Variants in JAKMIP2 observed in about 807,000 individuals in gnomAD.
JAKMIP2 encodes the protein janus kinase and microtubule interacting protein 2.
Under a neutral mutation model 115.0 loss-of-function variants are expected in JAKMIP2, and 25 were observed. The observed-to-expected ratio is 0.22, with a 90% CI of 0.16 to 0.30. JAKMIP2 has a LOEUF of 0.30. Among genes scored for constraint, JAKMIP2 ranks in the 10% least tolerant of loss-of-function variants. JAKMIP2 has a pLI of 1.00. For missense variants in JAKMIP2, 642 were observed against 957.6 expected, an observed-to-expected ratio of 0.67 and a Z score of 4.35; for synonymous variants, 334 against 343.6, an observed-to-expected ratio of 0.97 and a Z score of 0.31.
intron 1 of JAKMIP2, among the ~76,000 whole-genome samples, chr5:147,680,708 T>C (rs1032207537): frequency 6.6e-6 from 1 of 152,234 alleles, no homozygotes; most frequent in African/African-American, 2.4e-5. Flanking sequence ...TGTCACTTGT[T>C]AAACCCTTCT....
Position 147,721,948 on chromosome 5 carries a change from A to G in JAKMIP2, c.-148-49994T>C, listed in dbSNP as rs530277073. On this transcript the variant is annotated intron_variant, in intron 1 of 21. Transcript: ENST00000616793. The stretch of plus-strand genomic sequence containing the variant: ...GGTATCACCTTCCTGGCGATTTCCC[A>G]TGGCTGGGACCTCTTAGGAAGCAGT... 5.3e-5 allele frequency among the ~76,000 whole-genome samples: 8 copies of G among 152,306 alleles called. No individual in the cohort carries two copies. The South Asian group carries it at 1.7e-3, about 32-fold the overall frequency.
In JAKMIP2 at chr5:147,782,436, C is replaced by T. The variant is rs1414931377; in HGVS notation, c.-149+20G>A. ...AGAACACTCTAAACCAAGAAGGGAG[C>T]CCTACTGTTTCCTACTCACCATGCT... On this transcript the variant is annotated intron_variant, in intron 1 of 21. Coordinates refer to ENST00000616793, the MANE Select transcript of JAKMIP2 (RefSeq NM_001270941.2). 1 of 1,535,636 alleles carries T rather than the reference C, an allele frequency of 6.5e-7. No homozygotes were observed. Among genetic ancestry groups the T allele is most frequent in the Non-Finnish European group, 8.7e-7 (1 of 1,146,514 alleles).
chr5:147,734,445 T>C lies in JAKMIP2; in HGVS notation c.-149+48011A>G, dbSNP rs967176400. Among the ~76,000 whole-genome samples the C allele has an allele frequency of 4.7e-5, 6 of 128,280 alleles. No individual in the cohort carries two copies. The East Asian group carries it at 1.4e-3, about 29-fold the overall frequency. The allele number at this position is 128,280 out of a possible 152,430, so 84.2% of individuals were successfully genotyped here. ...CATGTTCTCACTCATAAGTGGGAGCTGAACAATGAGAACATATGGACAGAG... is the reference window on the plus strand; with the variant it reads ...CATGTTCTCACTCATAAGTGGGAGCCGAACAATGAGAACATATGGACAGAG... On this transcript the variant is annotated intron_variant, in intron 1 of 21. Transcript: ENST00000616793.
At chr5:147,768,302 T>C (rs1755224367) in intron 1 of JAKMIP2, among the ~76,000 whole-genome samples, 1 of 152,176 alleles carries the variant, frequency 6.6e-6, no homozygotes, top group Admixed American at 6.5e-5. Context: ...TATTCATCTT[T>C]GTAGGTTCCC....
chr5:147,623,780 T>G (rs897099366), intron 16 of JAKMIP2, 91 bp from the exon 17 acceptor site: 28 of 724,252 alleles, frequency 3.9e-5, no homozygotes, highest in Non-Finnish European at 6.8e-5. Context: ...TCTCCTCCCC[T>G]TATATCTCAG....
intron 1 of JAKMIP2, among the ~76,000 whole-genome samples, chr5:147,686,428 A>G (rs1760575488): frequency 6.6e-6 from 1 of 152,108 alleles, no homozygotes; most frequent in African/African-American, 2.4e-5. Flanking sequence ...CAAATCACTC[A>G]AGGAAATAAA....
At chr5:147,664,186 T>C (rs906598695) in intron 2 of JAKMIP2, among the ~76,000 whole-genome samples, 1 of 152,186 alleles carries the variant, frequency 6.6e-6, no homozygotes, top group Non-Finnish European at 1.5e-5. Flanking sequence ...TATATTTCTC[T>C]TGGACAGTGT....
intron 20 of JAKMIP2, among the ~76,000 whole-genome samples, chr5:147,603,363 A>C (rs1178044752): frequency 6.6e-6 from 1 of 152,228 alleles, no homozygotes; most frequent in African/African-American, 2.4e-5. Context: ...GATATGGTGC[A>C]TACAGATATT....
At chr5:147,630,404 C>A (rs1353849693) in intron 14 of JAKMIP2, among the ~76,000 whole-genome samples, 1 of 152,148 alleles carries the variant, frequency 6.6e-6, no homozygotes, top group South Asian at 2.1e-4. Flanking sequence ...AAAGTAAATT[C>A]TTTTCATTTA....
intron 1 of JAKMIP2, among the ~76,000 whole-genome samples, chr5:147,705,839 A>G (rs959958854): frequency 6.6e-5 from 10 of 152,202 alleles, no homozygotes; most frequent in African/African-American, 2.4e-4. Context: ...TATGTATAAG[A>G]TGAATAATGT....
intron 1 of JAKMIP2, among the ~76,000 whole-genome samples, chr5:147,738,687 T>C (rs761878923): frequency 4.6e-5 from 7 of 152,146 alleles, no homozygotes; most frequent in Non-Finnish European, 1.0e-4. Context: ...TATCAATATA[T>C]TCTAAATATA....
intron 20 of JAKMIP2, among the ~76,000 whole-genome samples, chr5:147,606,250 C>A (rs917951561): frequency 6.6e-6 from 1 of 152,106 alleles, no homozygotes; most frequent in African/African-American, 2.4e-5. Context: ...GTCATGAAGT[C>A]TTTGCCCATG....
chr5:147,662,707 G>A (rs866395865), intron 2 of JAKMIP2, among the ~76,000 whole-genome samples: 3 of 152,078 alleles, frequency 2.0e-5, no homozygotes, highest in African/African-American at 7.2e-5. Flanking sequence ...AAAGGGGGCC[G>A]GGTGCAGTGC....
At chr5:147,758,960 T>C (rs1310560414) in intron 1 of JAKMIP2, among the ~76,000 whole-genome samples, 1 of 152,166 alleles carries the variant, frequency 6.6e-6, no homozygotes, top group East Asian at 1.9e-4. Flanking sequence ...TACTGGAAAG[T>C]GTCTGCTCTT....
chr5:147,622,465 G>A (rs926251686), intron 17 of JAKMIP2, among the ~76,000 whole-genome samples: 3 of 152,090 alleles, frequency 2.0e-5, no homozygotes, highest in Non-Finnish European at 4.4e-5. Flanking sequence ...TTTCTAAGTT[G>A]GATTACTCTA....
At chr5:147,666,234 T>C (rs1231418274) in intron 2 of JAKMIP2, among the ~76,000 whole-genome samples, 1 of 152,132 alleles carries the variant, frequency 6.6e-6, no homozygotes, top group Non-Finnish European at 1.5e-5. Context: ...CCAATAAAAA[T>C]TTTCTGAAAA....
chr5:147,615,268 G>T (rs1756512307), intron 19 of JAKMIP2, among the ~76,000 whole-genome samples: 1 of 152,200 alleles, frequency 6.6e-6, no homozygotes, highest in Non-Finnish European at 1.5e-5. Context: ...ATTTTCATCA[G>T]GGAGAGGATC....
chr5:147,613,194 T>C (rs959014376), intron 19 of JAKMIP2, among the ~76,000 whole-genome samples: 16 of 152,220 alleles, frequency 1.1e-4, no homozygotes, highest in African/African-American at 2.9e-4. Flanking sequence ...TAAAATAAAG[T>C]CTTCACATTT....
intron 20 of JAKMIP2, among the ~76,000 whole-genome samples, chr5:147,609,446 C>T (rs1419298146): frequency 6.6e-6 from 1 of 152,144 alleles, no homozygotes; most frequent in East Asian, 1.9e-4. Flanking sequence ...CTTAGTTTGG[C>T]TGGATATGAA....
Sources: allele counts gnomAD v4.1 joint callset (sites outside exome capture counted in the v4.1 genomes callset), GRCh38; gene constraint gnomAD v4.1.1; transcripts MANE v1.5; gene names NCBI Gene and HGNC (gene_info 2026-07-23, HGNC 2026-07-21).